RCAN2: variants seen among roughly 807,000 people sequenced by gnomAD.
RCAN2 encodes the protein regulator of calcineurin 2.
RCAN2 carries 9 observed loss-of-function variants against 23.6 expected under a neutral mutation model. That is an observed-to-expected ratio of 0.38 (90% CI 0.23 to 0.67). RCAN2 has a LOEUF of 0.67. Ranked by LOEUF, RCAN2 falls within the 30% of genes least tolerant of loss-of-function variation. RCAN2 has a pLI of 0.51. For missense variants in RCAN2, 273 were observed against 302.3 expected (o/e 0.90, Z 0.72); for synonymous variants, 109 against 115.7 (o/e 0.94, Z 0.37).
At chr6:46,311,884 T>C (rs559282014) in intron 2 of RCAN2, among the ~76,000 whole-genome samples, 93 of 152,266 alleles carry the variant, frequency 6.1e-4, no homozygotes, top group Admixed American at 2.4e-3. Flanking sequence ...TATAATAGAA[T>C]CCTGACTTTT....
chr6:46,285,126 A>G (rs1057076818), intron 2 of RCAN2, among the ~76,000 whole-genome samples: 1 of 152,200 alleles, frequency 6.6e-6, no homozygotes, highest in Non-Finnish European at 1.5e-5. Context: ...CTAGAAATGC[A>G]CACACACACA....
chr6:46,473,213 A>C (rs1004403962), intron 1 of RCAN2, among the ~76,000 whole-genome samples: 1 of 152,126 alleles, frequency 6.6e-6, no homozygotes, highest in Non-Finnish European at 1.5e-5. Context: ...AAAGCATACC[A>C]ATGCTTTTCT....
intron 2 of RCAN2, among the ~76,000 whole-genome samples, chr6:46,321,890 C>T (rs1582102656): frequency 6.6e-6 from 1 of 152,222 alleles, no homozygotes; most frequent in South Asian, 2.1e-4. Context: ...GATCCAAGTG[C>T]TTAAGCAGAG....
intron 2 of RCAN2, among the ~76,000 whole-genome samples, chr6:46,435,652 T>C (rs1767343090): frequency 6.6e-6 from 1 of 152,206 alleles, no homozygotes; most frequent in Admixed American, 6.5e-5. Context: ...TTCCTGAAAT[T>C]AAAATTTGAA....
intron 2 of RCAN2, among the ~76,000 whole-genome samples, chr6:46,307,440 G>A (rs1228465216): frequency 1.3e-5 from 2 of 151,954 alleles, no homozygotes; most frequent in African/African-American, 4.8e-5. Flanking sequence ...TGTATGTGAG[G>A]GGAAGTTAAG....
chr6:46,396,143 T>C (rs1766082095), intron 2 of RCAN2, among the ~76,000 whole-genome samples: 1 of 152,204 alleles, frequency 6.6e-6, no homozygotes, highest in Admixed American at 6.5e-5. Flanking sequence ...TAATGTCTTT[T>C]CTACTTGATT....
intron 2 of RCAN2, among the ~76,000 whole-genome samples, chr6:46,418,695 G>GTGTATATA (rs1299386089): frequency 1.6e-5 from 2 of 121,306 alleles, no homozygotes; most frequent in African/African-American, 3.1e-5. Flanking sequence ...ATGTGTGTGT[G>GTGTATATA]TATATATATA....
Position 46,397,371 on chromosome 6 carries a change from A to AC in RCAN2, c.225+59380_225+59381insG, listed in dbSNP as rs1766121471. Among the ~76,000 whole-genome samples the AC allele has an allele frequency of 1.0e-3, 124 of 119,050 alleles. No homozygotes were observed. The South Asian group carries it at 0.032, about 31-fold the overall frequency. 78.1% of individuals were successfully genotyped at this position (119,050 alleles called of 152,430 possible). ...CTCCATATAGGATAAAATTTCACAG[A>AC]AACACACACACACACACACACACAC... On this transcript the variant is annotated intron_variant, in intron 2 of 4. Coordinates refer to ENST00000371374, the MANE Select transcript of RCAN2 (RefSeq NM_001251974.2).
intron 2 of RCAN2, among the ~76,000 whole-genome samples, chr6:46,375,799 T>C (rs751690536): frequency 9.9e-5 from 15 of 152,244 alleles, no homozygotes; most frequent in Admixed American, 2.0e-4. Context: ...AATAAAACTT[T>C]ATTTATAGAA....
At chr6:46,246,701 T>C (rs749714432) in intron 4 of RCAN2, 47 bp downstream of exon 4, 8 of 1,575,120 alleles carry the variant, frequency 5.1e-6, no homozygotes. Context: ...TTGGCTTTTC[T>C]AGGTTGCTGA....
intron 2 of RCAN2, among the ~76,000 whole-genome samples, chr6:46,359,563 T>A (rs775020813): frequency 6.6e-6 from 1 of 152,232 alleles, no homozygotes; most frequent in Non-Finnish European, 1.5e-5. Context: ...ATCTTTCAAC[T>A]GTTTATATTT....
chr6:46,224,861 C>A (rs568206943), intron 4 of RCAN2, among the ~76,000 whole-genome samples: 2 of 151,914 alleles, frequency 1.3e-5, no homozygotes, highest in Admixed American at 6.6e-5. Context: ...CATATGTATA[C>A]ATGTGCCATG....
chr6:46,304,596 T>C (rs1041958206), intron 2 of RCAN2, among the ~76,000 whole-genome samples: 133 of 152,110 alleles, frequency 8.7e-4, no homozygotes, highest in African/African-American at 2.9e-3. Context: ...TTAAGCTTTC[T>C]TCAGATATAA....
intron 2 of RCAN2, among the ~76,000 whole-genome samples, chr6:46,392,769 G>C (rs970368074): frequency 2.6e-5 from 4 of 152,140 alleles, no homozygotes; most frequent in African/African-American, 4.8e-5. Context: ...TCTGTCACTG[G>C]AAATGTTTAA....
In RCAN2 at chr6:46,289,495, A is replaced by G. The variant is rs139472800; in HGVS notation, c.226-40599T>C. Among the ~76,000 whole-genome samples, 607 of 152,294 alleles carry G rather than the reference A, an allele frequency of 4.0e-3. 6 individuals carry two copies. The highest frequency in any genetic ancestry group is 0.014 in the African/African-American group (575 of 41,564). On this transcript the variant is annotated intron_variant, in intron 2 of 4. Coordinates refer to ENST00000371374, the MANE Select transcript of RCAN2 (RefSeq NM_001251974.2). Reference sequence around the variant, plus strand: ...GTTATAAGGAGAAAAAAGATATTTTATCTTCATGTTATTTATGTGCTAATG... The same window carrying G: ...GTTATAAGGAGAAAAAAGATATTTTGTCTTCATGTTATTTATGTGCTAATG...
Position 46,291,429 on chromosome 6 carries a change from C to T in RCAN2, c.226-42533G>A, listed in dbSNP as rs7772923. ...AAGGGAGGCAGCTGTGGAGTGCCAC[C>T]GAGTCCCAGCGGTGGGAACCAAGTT... On this transcript the variant is annotated intron_variant, in intron 2 of 4. Transcript: ENST00000371374. 3.3e-5 allele frequency among the ~76,000 whole-genome samples: 5 copies of T among 151,636 alleles called. No individual in the cohort carries two copies. The South Asian group carries it at 6.3e-4, about 19-fold the overall frequency.
chr6:46,285,060 C>T (rs1425261771), intron 2 of RCAN2, among the ~76,000 whole-genome samples: 1 of 152,168 alleles, frequency 6.6e-6, no homozygotes, highest in Admixed American at 6.5e-5. Flanking sequence ...TACATGTTTG[C>T]TTTGCTTTCT....
chr6:46,336,868 G>A (rs1354585779), intron 2 of RCAN2, among the ~76,000 whole-genome samples: 1 of 150,352 alleles, frequency 6.7e-6, no homozygotes, highest in Non-Finnish European at 1.5e-5. Context: ...GAGATAAAGT[G>A]TTTAGAGTTT....
intron 2 of RCAN2, among the ~76,000 whole-genome samples, chr6:46,262,152 A>ATT (rs941265215): frequency 4.0e-5 from 6 of 150,102 alleles, no homozygotes; most frequent in Admixed American, 3.3e-4. Context: ...CCCTGAAGCC[A>ATT]TTTTTTTTTT....
Sources: gnomAD v4.1 joint callset for allele counts (sites outside exome capture counted in the v4.1 genomes callset) on GRCh38, gnomAD v4.1.1 for gene constraint, MANE v1.5 for transcripts, NCBI Gene and HGNC (gene_info 2026-07-23, HGNC 2026-07-21) for gene names.